The following DCPH1 variants were observed in gnomAD, a reference collection of about 807,000 sequenced individuals.
DCPH1 encodes the protein damage control phosphatase 1.
the DCPH1 span, among the ~76,000 whole-genome samples, chr6:151,463,715 ATGGAAAAAGTAGCTAATT>A: frequency 2.0e-5 from 3 of 152,230 alleles, no homozygotes; most frequent in African/African-American, 7.2e-5. Context: ...TGAATGACCC[ATGGAAAAAGTAGCTAATT>A]TGGAAGACCC....
chr6:151,452,990 T>C, the DCPH1 span, among the ~76,000 whole-genome samples: 1 of 152,250 alleles, frequency 6.6e-6, no homozygotes, highest in Non-Finnish European at 1.5e-5. Context: ...CTGTCTAGTT[T>C]TTTGCTTTAT....
chr6:151,456,556 A>G, the DCPH1 span, among the ~76,000 whole-genome samples: 2 of 152,186 alleles, frequency 1.3e-5, no homozygotes, highest in Non-Finnish European at 2.9e-5. Context: ...GGTAACTGAC[A>G]TATCTTTATC....
At chr6:151,460,618 T>C in the DCPH1 span, among the ~76,000 whole-genome samples, 1 of 151,526 alleles carries the variant, frequency 6.6e-6, no homozygotes, top group South Asian at 2.1e-4. Context: ...ACCCCGTCTC[T>C]ACTAAAAATA....
the DCPH1 span, among the ~76,000 whole-genome samples, chr6:151,463,248 A>G: frequency 6.6e-6 from 1 of 152,212 alleles, no homozygotes; most frequent in Admixed American, 6.5e-5. Context: ...CGGTGCTGCC[A>G]TTGCTAAAAC....
chr6:151,456,559 T>C, the DCPH1 span, among the ~76,000 whole-genome samples: 4 of 152,214 alleles, frequency 2.6e-5, no homozygotes, highest in African/African-American at 7.2e-5. Flanking sequence ...AACTGACATA[T>C]CTTTATCACA....
At chr6:151,458,400 C>A in the DCPH1 span, 2 of 1,613,374 alleles carry the variant, frequency 1.2e-6, no homozygotes, top group Non-Finnish European at 8.5e-7. Flanking sequence ...AACAGATAAA[C>A]CATTTATCCC....
At chr6:151,463,808 T>C in the DCPH1 span, among the ~76,000 whole-genome samples, 1 of 152,238 alleles carries the variant, frequency 6.6e-6, no homozygotes, top group Admixed American at 6.5e-5. Flanking sequence ...TATATCTCCT[T>C]AGTTATGATT....
At chr6:151,453,545 G>A in the DCPH1 span, among the ~76,000 whole-genome samples, 1 of 152,182 alleles carries the variant, frequency 6.6e-6, no homozygotes, top group African/African-American at 2.4e-5. Context: ...GGGTGGTACT[G>A]AAAGCACCAC....
At chr6:151,456,237 T>C in the DCPH1 span, among the ~76,000 whole-genome samples, 1 of 152,230 alleles carries the variant, frequency 6.6e-6, no homozygotes, top group Non-Finnish European at 1.5e-5. Flanking sequence ...ATCTTTCTAT[T>C]ACACAATAGA....
chr6:151,454,235 A>G, the DCPH1 span, among the ~76,000 whole-genome samples: 7 of 152,178 alleles, frequency 4.6e-5, no homozygotes, highest in South Asian at 6.2e-4. Context: ...TCCATTCCCT[A>G]TCCTATCACT....
the DCPH1 span, among the ~76,000 whole-genome samples, chr6:151,467,459 G>A: frequency 1.3e-5 from 2 of 151,988 alleles, no homozygotes; most frequent in African/African-American, 4.8e-5. Context: ...ACAAATGAGA[G>A]TAGAGTCTGT....
At chr6:151,464,039 A>G in the DCPH1 span, among the ~76,000 whole-genome samples, 1 of 152,196 alleles carries the variant, frequency 6.6e-6, no homozygotes, top group Non-Finnish European at 1.5e-5. Context: ...TGATTGCTGC[A>G]TTGTATTCAA....
the DCPH1 span, chr6:151,468,423 A>G: frequency 1.2e-6 from 2 of 1,607,878 alleles, no homozygotes; most frequent in Non-Finnish European, 1.7e-6. Flanking sequence ...TACTAAATTC[A>G]TTGGAAGACC....
the DCPH1 span, among the ~76,000 whole-genome samples, chr6:151,458,014 G>A: frequency 3.3e-5 from 5 of 152,156 alleles, no homozygotes; most frequent in Admixed American, 1.3e-4. Flanking sequence ...TGTCAATGGT[G>A]AAAGAAGAAT....
chr6:151,459,578 G>A, the DCPH1 span, among the ~76,000 whole-genome samples: 1 of 152,092 alleles, frequency 6.6e-6, no homozygotes, highest in Non-Finnish European at 1.5e-5. Flanking sequence ...GATCACTCGA[G>A]GTCAGGAATT....
chr6:151,458,389 A>G, the DCPH1 span: 4 of 1,613,610 alleles, frequency 2.5e-6, no homozygotes, highest in African/African-American at 2.7e-5. Context: ...AATGAATTGC[A>G]AACAGATAAA....
chr6:151,458,566 T>A, the DCPH1 span: 1 of 1,607,690 alleles, frequency 6.2e-7, no homozygotes, highest in Non-Finnish European at 8.5e-7. Context: ...GAAGCAATTA[T>A]CCAGAGGTAC....
At chr6:151,466,063 C>T in the DCPH1 span, among the ~76,000 whole-genome samples, 2 of 152,234 alleles carry the variant, frequency 1.3e-5, no homozygotes, top group South Asian at 2.1e-4. Context: ...GAATTACAGG[C>T]GTATGCCACC....
At chr6:151,462,979 C>T in the DCPH1 span, among the ~76,000 whole-genome samples, 10 of 152,134 alleles carry the variant, frequency 6.6e-5, no homozygotes, top group African/African-American at 2.2e-4. Flanking sequence ...CTGCCATTGT[C>T]GTGTGAATGC....
Sources: allele counts gnomAD v4.1 joint callset (sites outside exome capture counted in the v4.1 genomes callset), GRCh38; gene constraint gnomAD v4.1.1; transcripts MANE v1.5; gene names NCBI Gene and HGNC (gene_info 2026-07-23, HGNC 2026-07-21).